GIGYF2: variants seen among roughly 807,000 people sequenced by gnomAD.
The protein encoded by GIGYF2 is GRB10 interacting GYF protein 2.
A neutral mutation model predicts 208.1 loss-of-function variants in GIGYF2; 25 were observed. That is an observed-to-expected ratio of 0.12 (90% confidence interval 0.09 to 0.17). The LOEUF (loss-of-function observed/expected upper bound fraction) is 0.17. GIGYF2 is among the 10% of genes least tolerant of loss of function. The probability of loss-of-function intolerance (pLI) is 1.00; values close to 1 mark genes in which losing one functional copy is unlikely to be tolerated. For missense variants in GIGYF2, 1,302 were observed against 1,579.4 expected (o/e 0.82, Z 2.98); for synonymous variants, 534 against 543.8 (o/e 0.98, Z 0.25).
chr2:232,807,759 A>G (rs1277509680), intron 15 of GIGYF2, among the ~76,000 whole-genome samples: 3 of 151,978 alleles, frequency 2.0e-5, no homozygotes, highest in Non-Finnish European at 4.4e-5. Flanking sequence ...TTTTAAAGAG[A>G]TGGAGTCTCG....
chr2:232,726,616 G>T (rs1461960349), intron 2 of GIGYF2, among the ~76,000 whole-genome samples: 3 of 151,802 alleles, frequency 2.0e-5, no homozygotes, highest in Non-Finnish European at 4.4e-5. Flanking sequence ...AGAGTTTTTT[G>T]TTTTTTTAGT....
intron 2 of GIGYF2, among the ~76,000 whole-genome samples, chr2:232,711,989 G>T (rs990428097): frequency 2.6e-5 from 4 of 151,566 alleles, no homozygotes; most frequent in African/African-American, 9.7e-5. Context: ...ACATTATACA[G>T]TATCAAAAAA....
chr2:232,756,650 A>C (rs1200217044), intron 6 of GIGYF2, among the ~76,000 whole-genome samples: 2 of 152,172 alleles, frequency 1.3e-5, no homozygotes, highest in Non-Finnish European at 2.9e-5. Flanking sequence ...CGACTCCTGA[A>C]GTGTCTTAAC....
intron 8 of GIGYF2, among the ~76,000 whole-genome samples, chr2:232,780,549 TGAAA>T (rs1699679048): frequency 6.6e-6 from 1 of 152,350 alleles, no homozygotes; most frequent in African/African-American, 2.4e-5. Context: ...CCCTTTTCCC[TGAAA>T]GAAGAAGAAA....
Position 232,697,383 on chromosome 2 carries a change from C to G in GIGYF2, c.-119C>G, listed in dbSNP as rs976389791. The stretch of plus-strand genomic sequence containing the variant: ...ACTGGGGTTCTGAGACTCCCTGTCC[C>G]GGACCGCAGGTAACCAGCCGTTCCG... On this transcript the variant is annotated 5_prime_UTR_variant, in exon 1 of 29. Coordinates refer to ENST00000373563, the MANE Select transcript of GIGYF2 (RefSeq NM_001103146.3). The G allele has an allele frequency of 6.6e-6, 1 of 152,396 alleles. No individual in the cohort carries two copies. The highest frequency in any genetic ancestry group is 6.5e-5 in the Admixed American group (1 of 15,276). 9.4% of individuals were successfully genotyped at this position (152,396 alleles called of 1,614,324 possible). A position where few individuals can be genotyped will look rare whatever the true frequency, so the allele number is the denominator to read the frequency against.
intron 9 of GIGYF2, among the ~76,000 whole-genome samples, chr2:232,790,122 G>T (rs1700027972): frequency 1.3e-5 from 2 of 152,146 alleles, no homozygotes; most frequent in African/African-American, 2.4e-5. Flanking sequence ...TAAAATCTCT[G>T]TGACAACTTT....
At chr2:232,777,134 T>C (rs1272056451) in intron 8 of GIGYF2, among the ~76,000 whole-genome samples, 1 of 152,124 alleles carries the variant, frequency 6.6e-6, no homozygotes, top group Non-Finnish European at 1.5e-5. Flanking sequence ...TTAAAGGCTG[T>C]ATACAAAGAC....
chr2:232,802,495 G>A (rs2106376059), intron 14 of GIGYF2, among the ~76,000 whole-genome samples: 1 of 151,946 alleles, frequency 6.6e-6, no homozygotes, highest in Middle Eastern at 3.4e-3. Context: ...ATGACCATGT[G>A]GTTTTTTTCC....
chr2:232,777,819 A>T, intron 8 of GIGYF2, among the ~76,000 whole-genome samples: 1 of 152,168 alleles, frequency 6.6e-6, no homozygotes. Context: ...TTCCCAGCTA[A>T]CAAATTGCAG....
intron 28 of GIGYF2, among the ~76,000 whole-genome samples, chr2:232,853,643 C>T (rs1206913894): frequency 2.0e-5 from 3 of 152,206 alleles, no homozygotes; most frequent in African/African-American, 7.2e-5. Context: ...ATGTGATAAA[C>T]ACACAATACA....
chr2:232,843,886 T>A, intron 23 of GIGYF2, 160 bp from the exon 24 acceptor site: 1 of 689,888 alleles, frequency 1.4e-6, no homozygotes, highest in South Asian at 1.7e-5. Context: ...TTTTTAATAC[T>A]GTTAGCGATT....
chr2:232,818,856 A>G (rs1243284828), intron 20 of GIGYF2, among the ~76,000 whole-genome samples: 1 of 152,118 alleles, frequency 6.6e-6, no homozygotes, highest in Non-Finnish European at 1.5e-5. Flanking sequence ...GTTGGACATG[A>G]GGGTTGTTTC....
intron 6 of GIGYF2, among the ~76,000 whole-genome samples, chr2:232,756,643 C>A (rs1190383042): frequency 6.6e-6 from 1 of 152,158 alleles, no homozygotes; most frequent in Non-Finnish European, 1.5e-5. Flanking sequence ...GAGCCAACGA[C>A]TCCTGAAGTG....
chr2:232,794,778 C>T lies in GIGYF2; in HGVS notation c.1313C>T (p.Ser438Leu), dbSNP rs142481025. The T allele has an allele frequency of 1.1e-4, 175 of 1,613,734 alleles. No individual in the cohort carries two copies. Among genetic ancestry groups the T allele is most frequent in the Non-Finnish European group, 1.3e-4 (149 of 1,179,710 alleles). ...EMVADVQQPL[S>L]QIPSDTASPL... ...GTTGCTGATGTCCAGCAGCCCCTGT[C>T]GCAGATTCCTTCAGATACAGCCTCT... The change falls in exon 13 of 29, where the codon TCG becomes TTG. Residue 438 changes from serine to leucine, a missense_variant. By Grantham distance (145) the Ser-to-Leu change is moderately radical (BLOSUM62 -2). Around this residue, in one of 8 missense-constraint regions of GIGYF2, gnomAD observed 235 missense variants for 218.8 expected, o/e 1.07. Coordinates refer to ENST00000373563, the MANE Select transcript of GIGYF2 (RefSeq NM_001103146.3).
chr2:232,774,419 G>T (rs1699424950), intron 8 of GIGYF2, among the ~76,000 whole-genome samples: 2 of 152,292 alleles, frequency 1.3e-5, no homozygotes, highest in South Asian at 4.1e-4. Context: ...TGAATTATTA[G>T]ATAGTCCAGT....
intron 21 of GIGYF2, among the ~76,000 whole-genome samples, chr2:232,820,357 C>G (rs903165481): frequency 6.8e-6 from 1 of 147,194 alleles, no homozygotes; most frequent in South Asian, 2.1e-4. Flanking sequence ...CTCTGTCGCC[C>G]AGGCTGGAGT....
At chr2:232,782,222 A>G (rs79388342) in intron 8 of GIGYF2, among the ~76,000 whole-genome samples, 2 of 152,074 alleles carry the variant, frequency 1.3e-5, no homozygotes, top group Non-Finnish European at 1.5e-5. Context: ...TTTTTTTTAC[A>G]TTTTAAAAAT....
intron 5 of GIGYF2, among the ~76,000 whole-genome samples, chr2:232,751,178 C>G (rs1698327303): frequency 6.6e-6 from 1 of 151,980 alleles, no homozygotes; most frequent in Admixed American, 6.6e-5. Context: ...AGTAAGTTTT[C>G]TAAATGTTAA....
At chr2:232,715,987 A>G (rs1252712528) in intron 2 of GIGYF2, among the ~76,000 whole-genome samples, 1 of 152,204 alleles carries the variant, frequency 6.6e-6, no homozygotes, top group East Asian at 1.9e-4. Context: ...ATTAAAGAAT[A>G]TTGCAAGTTA....
Sources: allele counts gnomAD v4.1 joint callset (sites outside exome capture counted in the v4.1 genomes callset), GRCh38; gene constraint gnomAD v4.1.1; regional missense constraint gnomAD v4.1.1; transcripts MANE v1.5; gene names NCBI Gene and HGNC (gene_info 2026-07-23, HGNC 2026-07-21).